Variants in THSD7B observed in about 807,000 individuals in gnomAD.
THSD7B encodes the protein thrombospondin type-1 domain-containing protein 7B.
Under a neutral mutation model 213.6 loss-of-function variants are expected in THSD7B, and 138 were observed. That is an observed-to-expected ratio of 0.65 (90% confidence interval 0.56 to 0.74). THSD7B has a LOEUF of 0.74. Ranked by LOEUF, THSD7B falls within the 30% of genes least tolerant of loss-of-function variation. The probability of loss-of-function intolerance (pLI) is 0.00; values close to 1 mark genes in which losing one functional copy is unlikely to be tolerated. For synonymous variants in THSD7B, 742 were observed against 687.0 expected, an observed-to-expected ratio of 1.08 and a Z score of -1.25; for missense variants, 1,931 against 1,991.5, an observed-to-expected ratio of 0.97 and a Z score of 0.58.
chr2:136,792,554 T>C (rs1342557605), intron 1 of THSD7B, among the ~76,000 whole-genome samples: 4 of 151,978 alleles, frequency 2.6e-5, no homozygotes, highest in East Asian at 3.9e-4. Context: ...AGTTTATAGA[T>C]TGTGACAAAT....
intron 1 of THSD7B, among the ~76,000 whole-genome samples, chr2:136,776,633 A>G (rs1681611027): frequency 6.6e-6 from 1 of 152,184 alleles, no homozygotes; most frequent in Admixed American, 6.5e-5. Flanking sequence ...ATTTGGCAAC[A>G]AGGTTGGCAA....
chr2:137,171,825 C>T (rs1161559579), intron 7 of THSD7B, among the ~76,000 whole-genome samples: 4 of 152,142 alleles, frequency 2.6e-5, no homozygotes, highest in Admixed American at 2.6e-4. Flanking sequence ...CTCTCCCTCC[C>T]TCCCTCTCTT....
intron 1 of THSD7B, among the ~76,000 whole-genome samples, chr2:136,845,153 G>C (rs1262357218): frequency 6.6e-6 from 1 of 152,202 alleles, no homozygotes; most frequent in Non-Finnish European, 1.5e-5. Context: ...TAGAGATGTT[G>C]TGAAGCCTCA....
At chr2:137,387,025 G>A (rs1685911611) in intron 12 of THSD7B, among the ~76,000 whole-genome samples, 1 of 152,180 alleles carries the variant, frequency 6.6e-6, no homozygotes, top group Non-Finnish European at 1.5e-5. Context: ...TCAGATAACA[G>A]GGGGAAGCAA....
At chr2:137,508,559 T>G (rs1482752811) in intron 15 of THSD7B, among the ~76,000 whole-genome samples, 178 of 150,496 alleles carry the variant, frequency 1.2e-3, no homozygotes, top group African/African-American at 4.1e-3. Context: ...TTTTTTTTTT[T>G]TGTATTTTTT....
chr2:136,807,758 G>A lies in THSD7B; in HGVS notation c.-36+42071G>A, dbSNP rs184909228. 1.3e-3 allele frequency among the ~76,000 whole-genome samples: 203 copies of A among 151,998 alleles called. 1 individual carries two copies. The highest frequency in any genetic ancestry group is 4.6e-3 in the African/African-American group (192 of 41,442). On this transcript the variant is annotated intron_variant, in intron 1 of 27. Transcript: ENST00000409968. ...CCTGACCTTATGATCCACCCGCCTC[G>A]GCCTCTCAAAGTGCTGGGATTACAG...
At chr2:137,637,855 G>A (rs1382975353) in intron 20 of THSD7B, among the ~76,000 whole-genome samples, 3 of 152,124 alleles carry the variant, frequency 2.0e-5, no homozygotes, top group African/African-American at 7.2e-5. Flanking sequence ...ACACCACATT[G>A]TCATTATCCT....
intron 3 of THSD7B, among the ~76,000 whole-genome samples, chr2:137,083,095 A>G (rs1008720531): frequency 6.6e-6 from 1 of 152,112 alleles, no homozygotes; most frequent in African/African-American, 2.4e-5. Context: ...GTTTAAAATC[A>G]TGTAAATCAA....
At chr2:137,597,583 T>C (rs565069022) in intron 17 of THSD7B, among the ~76,000 whole-genome samples, 1 of 152,124 alleles carries the variant, frequency 6.6e-6, no homozygotes, top group South Asian at 2.1e-4. Context: ...TGACAAGAAG[T>C]GTCCTTGCCA....
At chr2:137,057,316 A>G in intron 3 of THSD7B, 86 bp downstream of exon 3, 3 of 1,299,666 alleles carry the variant, frequency 2.3e-6, no homozygotes, top group Non-Finnish European at 3.1e-6. Context: ...TTTTCTACAA[A>G]GCGAAAATGG....
intron 3 of THSD7B, among the ~76,000 whole-genome samples, chr2:137,080,190 A>G (rs557866034): frequency 7.4e-5 from 11 of 148,314 alleles, no homozygotes; most frequent in African/African-American, 2.3e-4. Flanking sequence ...GTGTGTGTAT[A>G]TATATATAAT....
At chr2:137,063,649 ATT>A (rs35171937) in intron 3 of THSD7B, among the ~76,000 whole-genome samples, 25,516 of 151,846 alleles carry the variant, frequency 0.17, 2,859 homozygotes, top group African/African-American at 0.31. Context: ...CTGTGTGCCC[ATT>A]AATCTCCATT....
intron 12 of THSD7B, among the ~76,000 whole-genome samples, chr2:137,391,652 A>G (rs1574000683): frequency 6.6e-6 from 1 of 150,590 alleles, no homozygotes; most frequent in Non-Finnish European, 1.5e-5. Context: ...ATGCCACTGT[A>G]CTCCAGACTG....
intron 7 of THSD7B, among the ~76,000 whole-genome samples, chr2:137,208,115 G>A (rs1257923011): frequency 6.6e-6 from 1 of 152,042 alleles, no homozygotes; most frequent in Admixed American, 6.6e-5. Context: ...TCAAAATTAC[G>A]AAGTTTTCCA....
intron 12 of THSD7B, among the ~76,000 whole-genome samples, chr2:137,351,916 A>G (rs1248984071): frequency 2.0e-5 from 3 of 151,954 alleles, no homozygotes; most frequent in Non-Finnish European, 4.4e-5. Context: ...AATGTGGCCT[A>G]GCAAAAATTC....
At chr2:137,656,297 TAA>T (rs1683235432) in intron 22 of THSD7B, among the ~76,000 whole-genome samples, 1 of 152,082 alleles carries the variant, frequency 6.6e-6, no homozygotes, top group Admixed American at 6.5e-5. Context: ...ATAATTTATA[TAA>T]AGATACATTT....
chr2:136,786,267 A>G (rs1050616083), intron 1 of THSD7B, among the ~76,000 whole-genome samples: 2 of 152,200 alleles, frequency 1.3e-5, no homozygotes, highest in Non-Finnish European at 2.9e-5. Context: ...GTATATATGA[A>G]TTTATAAATA....
At chr2:136,974,405 T>C (rs1276963306) in intron 2 of THSD7B, among the ~76,000 whole-genome samples, 1 of 151,926 alleles carries the variant, frequency 6.6e-6, no homozygotes, top group Non-Finnish European at 1.5e-5. Context: ...TGTATCCATG[T>C]GTTCTCATTG....
chr2:137,055,261 T>C (rs1227058689), intron 2 of THSD7B, among the ~76,000 whole-genome samples: 1 of 152,186 alleles, frequency 6.6e-6, no homozygotes, highest in Non-Finnish European at 1.5e-5. Context: ...TGTGTCTTTA[T>C]AGTAGAATGA....
Sources: allele counts gnomAD v4.1 joint callset (sites outside exome capture counted in the v4.1 genomes callset), GRCh38; gene constraint gnomAD v4.1.1; transcripts MANE v1.5; gene names NCBI Gene and HGNC (gene_info 2026-07-23, HGNC 2026-07-21).